The following MYH15 variants were observed in gnomAD, a reference collection of about 807,000 sequenced individuals.
MYH15 encodes the protein myosin-15.
A neutral mutation model predicts 240.5 loss-of-function variants in MYH15; 227 were observed. The ratio of observed to expected loss-of-function variants is 0.94; its 90% CI spans 0.85 to 1.05. MYH15 has a LOEUF of 1.05. Among genes scored for constraint, MYH15 ranks in the 50% least tolerant of loss-of-function variants. The pLI is 0.00. For synonymous variants in MYH15, 785 were observed against 796.7 expected (o/e 0.99, Z 0.25); for missense variants, 2,217 against 2,247.5 (o/e 0.99, Z 0.27).
At position 108,454,199 on chromosome 3, in the gene MYH15, T is replaced by G. The variant is rs1481023761; in HGVS notation, c.2263-57A>C. On this transcript the variant is annotated intron_variant, in intron 20 of 40. Coordinates refer to ENST00000693548, the MANE Select transcript of MYH15 (RefSeq NM_014981.3). Reference sequence around the variant, plus strand: ...ATAATGGGTATTCAGCAAATGTTTATTAAATGATCCTGTGAGCAACTGTTG... The same window carrying G: ...ATAATGGGTATTCAGCAAATGTTTAGTAAATGATCCTGTGAGCAACTGTTG... 4.7e-6 allele frequency: 7 copies of G among 1,491,314 alleles called. No homozygotes were observed. In the East Asian group the frequency reaches 1.4e-4, roughly 29 times the overall value. 92.4% of individuals were successfully genotyped at this position (1,491,314 alleles called of 1,614,324 possible).
At chr3:108,426,056 T>G (rs981869682) in intron 27 of MYH15, among the ~76,000 whole-genome samples, 2 of 152,108 alleles carry the variant, frequency 1.3e-5, no homozygotes, top group African/African-American at 4.8e-5. Context: ...AAGAAAGTGT[T>G]CAGGGCTCCA....
the MYH15 span, among the ~76,000 whole-genome samples, chr3:108,548,601 T>C: frequency 6.6e-6 from 1 of 152,132 alleles, no homozygotes; most frequent in Non-Finnish European, 1.5e-5. Flanking sequence ...AAATGTTTGC[T>C]AAATCTTGCA....
intron 16 of MYH15, among the ~76,000 whole-genome samples, chr3:108,461,396 G>A (rs1381463902): frequency 6.6e-6 from 1 of 152,098 alleles, no homozygotes; most frequent in African/African-American, 2.4e-5. Context: ...TTCCCCAGGA[G>A]AAAGTATGGT....
At chr3:108,539,515 A>C in the MYH15 span, among the ~76,000 whole-genome samples, 1,068 of 152,318 alleles carry the variant, frequency 7.0e-3, 5 homozygotes, top group African/African-American at 0.024. Flanking sequence ...AAAGTAATAG[A>C]TCTAATACCT....
chr3:108,546,101 G>A, the MYH15 span, among the ~76,000 whole-genome samples: 42,666 of 151,916 alleles, frequency 0.28, 6,812 homozygotes, highest in Non-Finnish European at 0.36. Flanking sequence ...TTTTCACATC[G>A]TTTTTACACA....
the MYH15 span, among the ~76,000 whole-genome samples, chr3:108,534,372 C>T: frequency 6.6e-6 from 1 of 152,162 alleles, no homozygotes; most frequent in Non-Finnish European, 1.5e-5. Context: ...CTCACGAATG[C>T]TCTATCAAAC....
intron 9 of MYH15, among the ~76,000 whole-genome samples, chr3:108,488,773 T>C (rs1184803790): frequency 1.3e-5 from 2 of 152,224 alleles, no homozygotes; most frequent in Non-Finnish European, 2.9e-5. Flanking sequence ...TTCAGGATAC[T>C]GAGTTCATTT....
At chr3:108,513,491 G>C (rs987120004), upstream of MYH15, among the ~76,000 whole-genome samples, 1 of 152,154 alleles carries the variant, frequency 6.6e-6, no homozygotes, top group African/African-American at 2.4e-5. Flanking sequence ...GAACATTCAG[G>C]AGCTTGATTT....
chr3:108,514,904 C>T (rs2083548800), upstream of MYH15, among the ~76,000 whole-genome samples: 1 of 152,152 alleles, frequency 6.6e-6, no homozygotes, highest in African/African-American at 2.4e-5. Context: ...GGATAGAACC[C>T]TTGGAGGCAT....
intron 27 of MYH15, among the ~76,000 whole-genome samples, chr3:108,422,721 C>T (rs952273339): frequency 2.0e-5 from 3 of 152,118 alleles, no homozygotes; most frequent in African/African-American, 4.8e-5. Context: ...GAAGAGATTA[C>T]ACCAATGAAA....
rs1347353086 is a variant in MYH15, at chr3:108,383,721, T to C, written c.5640A>G (p.Gln1880=). The change falls in exon 40 of 41, where the codon CAA becomes CAG. Residue 1880 remains glutamine (Q), a synonymous_variant. Transcript: ENST00000693548. ...YKQQVEVAET[Q]ANQYLSKYKK... ...TATACTTGGAAAGGTATTGATTGGCTTGTGTTTCCTATAAAAATAAAAAAA... is the reference window on the plus strand; with the variant it reads ...TATACTTGGAAAGGTATTGATTGGCCTGTGTTTCCTATAAAAATAAAAAAA... 15 of 1,553,852 alleles carry C rather than the reference T, an allele frequency of 9.7e-6. No homozygotes were observed. Among genetic ancestry groups the C allele is most frequent in the Admixed American group, 4.2e-5 (2 of 47,680 alleles).
intron 26 of MYH15, 62 bp from the exon 27 acceptor site, chr3:108,428,943 T>G: frequency 6.8e-7 from 1 of 1,467,204 alleles, no homozygotes; most frequent in African/African-American, 1.4e-5. Context: ...TACTCTATTT[T>G]TTTTTAATCA....
chr3:108,547,480 A>C, the MYH15 span, among the ~76,000 whole-genome samples: 1 of 152,076 alleles, frequency 6.6e-6, no homozygotes, highest in Non-Finnish European at 1.5e-5. Context: ...TAAATAGGCA[A>C]TTCTCAAATT....
chr3:108,472,395 C>T (rs2083185211), intron 12 of MYH15, among the ~76,000 whole-genome samples: 2 of 152,190 alleles, frequency 1.3e-5, no homozygotes, highest in African/African-American at 4.8e-5. Flanking sequence ...CAGCAGGAGC[C>T]AGTTGGTGTC....
chr3:108,381,622 GTCCAGAACCAA>G, intron 40 of MYH15, 63 bp from the exon 41 acceptor site: 1 of 1,576,192 alleles, frequency 6.3e-7, no homozygotes, highest in Non-Finnish European at 8.7e-7. Context: ...TGGAACACAT[GTCCAGAACCAA>G]GCTGAGTCCC....
At chr3:108,408,965 G>A (rs1050897097) in intron 31 of MYH15, among the ~76,000 whole-genome samples, 1 of 152,144 alleles carries the variant, frequency 6.6e-6, no homozygotes, top group African/African-American at 2.4e-5. Context: ...ATGAACATAA[G>A]CCTTTGACAA....
chr3:108,422,002 A>C (rs2082687725), intron 27 of MYH15, among the ~76,000 whole-genome samples: 1 of 152,196 alleles, frequency 6.6e-6, no homozygotes, highest in African/African-American at 2.4e-5. Flanking sequence ...CTGAGAACTC[A>C]TGCTAGTGGT....
intron 1 of MYH15, among the ~76,000 whole-genome samples, chr3:108,522,812 C>T (rs549665933): frequency 7.9e-5 from 12 of 152,118 alleles, no homozygotes; most frequent in Admixed American, 7.2e-4. Context: ...TTAAAACATC[C>T]GTTATTCCTT....
chr3:108,488,035 C>G (rs886883389), intron 9 of MYH15, among the ~76,000 whole-genome samples: 1 of 151,606 alleles, frequency 6.6e-6, no homozygotes, highest in Non-Finnish European at 1.5e-5. Flanking sequence ...ATGGCTTATT[C>G]CAGCTAAGTA....
Sources: gnomAD v4.1 joint callset for allele counts (sites outside exome capture counted in the v4.1 genomes callset) on GRCh38, gnomAD v4.1.1 for gene constraint, MANE v1.5 for transcripts, NCBI Gene and HGNC (gene_info 2026-07-23, HGNC 2026-07-21) for gene names.